The following GRM8 variants were observed in gnomAD, a reference collection of about 807,000 sequenced individuals.
GRM8 encodes the protein glutamate metabotropic receptor 8.
In GRM8, 47 loss-of-function variants were observed where a neutral mutation model predicts 87.2. That is an observed-to-expected ratio of 0.54 (90% CI 0.43 to 0.69). The LOEUF (loss-of-function observed/expected upper bound fraction) is 0.69, where lower values mean the gene tolerates loss of function less well. GRM8 is among the 30% of genes least tolerant of loss of function. The pLI, the probability that GRM8 is intolerant of heterozygous loss-of-function variation, is 0.00. For missense variants in GRM8, 1,019 were observed against 1,139.2 expected (o/e 0.89, Z 1.52); for synonymous variants, 396 against 404.5 (o/e 0.98, Z 0.25).
At chr7:127,189,070 T>C (rs1308425197) in intron 2 of GRM8, among the ~76,000 whole-genome samples, 7 of 152,240 alleles carry the variant, frequency 4.6e-5, no homozygotes, top group Admixed American at 1.3e-4. Flanking sequence ...TGGATTGTAG[T>C]CAAACATCTA....
intron 6 of GRM8, among the ~76,000 whole-genome samples, chr7:126,855,723 C>T (rs1308676105): frequency 1.3e-5 from 2 of 152,082 alleles, no homozygotes; most frequent in African/African-American, 4.8e-5. Flanking sequence ...TGATAAACCG[C>T]CTTGGTCTCC....
intron 8 of GRM8, among the ~76,000 whole-genome samples, chr7:126,555,595 T>G (rs1793054289): frequency 6.6e-6 from 1 of 152,232 alleles, no homozygotes; most frequent in South Asian, 2.1e-4. Flanking sequence ...ATAATTGTTC[T>G]TATATCAAAT....
At chr7:126,955,916 A>G (rs1299115589) in intron 3 of GRM8, among the ~76,000 whole-genome samples, 1 of 152,132 alleles carries the variant, frequency 6.6e-6, no homozygotes, top group Non-Finnish European at 1.5e-5. Context: ...TGATTATAGG[A>G]CTTCTTTTCT....
intron 1 of GRM8, among the ~76,000 whole-genome samples, chr7:127,251,631 C>A (rs1798873499): frequency 6.6e-6 from 1 of 151,628 alleles, no homozygotes; most frequent in African/African-American, 2.4e-5. Flanking sequence ...GCCTTTCCCG[C>A]GCCCCGGGGC....
intron 3 of GRM8, among the ~76,000 whole-genome samples, chr7:127,090,707 C>A (rs570743796): frequency 7.1e-6 from 1 of 140,410 alleles, no homozygotes; most frequent in East Asian, 2.0e-4. Context: ...CATGTGCCCT[C>A]CGGTTGCGGC....
intron 9 of GRM8, among the ~76,000 whole-genome samples, chr7:126,473,406 G>T (rs755304868): frequency 6.9e-5 from 10 of 144,122 alleles, no homozygotes; most frequent in African/African-American, 1.5e-4. Flanking sequence ...ACTTGCATGG[G>T]GCCTCTAGCC....
intron 10 of GRM8, 62 bp from the exon 11 acceptor site, chr7:126,439,230 G>T: frequency 2.1e-6 from 2 of 948,874 alleles, no homozygotes; most frequent in South Asian, 2.7e-5. Context: ...TTGTTAATAT[G>T]ATTTTAAAAT....
chr7:126,715,287 C>T (rs920967418), intron 7 of GRM8, among the ~76,000 whole-genome samples: 1 of 152,168 alleles, frequency 6.6e-6, no homozygotes, highest in Non-Finnish European at 1.5e-5. Context: ...ATACTCACAA[C>T]ACTTGAGCTC....
At chr7:127,034,435 T>C (rs1422189026) in intron 3 of GRM8, among the ~76,000 whole-genome samples, 1 of 152,164 alleles carries the variant, frequency 6.6e-6, no homozygotes, top group African/African-American at 2.4e-5. Context: ...GTACTACAGG[T>C]ACACTGCCCC....
chr7:127,029,465 T>C lies in GRM8; in HGVS notation c.727+77031A>G, dbSNP rs527903756. Among the ~76,000 whole-genome samples the C allele has an allele frequency of 2.0e-5, 3 of 152,282 alleles. No homozygotes were observed. The East Asian group carries it at 5.8e-4, about 29-fold the overall frequency. On this transcript the variant is annotated intron_variant, in intron 3 of 10. Transcript: ENST00000339582. ...GTCTCCCATTATTATTGTGTGGGAG[T>C]CTAAGTCTCTTTGTAGGTCTCTAAG...
chr7:126,760,774 T>C (rs992512330), intron 7 of GRM8, among the ~76,000 whole-genome samples: 3 of 152,330 alleles, frequency 2.0e-5, no homozygotes, highest in South Asian at 4.1e-4. Flanking sequence ...TAATCAATCA[T>C]ATTTGACTTT....
In GRM8 at chr7:126,758,318, C is replaced by T. The variant is rs150806523; in HGVS notation, c.1357+11547G>A. Reference sequence around the variant, plus strand: ...TAAATGCTCACAATAAAGCTATGAGCTAGGTATTATTATTTTTTCCATCCA... The same window carrying T: ...TAAATGCTCACAATAAAGCTATGAGTTAGGTATTATTATTTTTTCCATCCA... On this transcript the variant is annotated intron_variant, in intron 7 of 10. Transcript: ENST00000339582. 1.1e-3 allele frequency among the ~76,000 whole-genome samples: 171 copies of T among 152,210 alleles called. 2 individuals are homozygous for T. The South Asian group carries it at 0.019, about 17-fold the overall frequency.
chr7:126,744,894 CTT>C (rs1188751619), intron 7 of GRM8, among the ~76,000 whole-genome samples: 1 of 151,884 alleles, frequency 6.6e-6, no homozygotes, highest in Non-Finnish European at 1.5e-5. Flanking sequence ...CAATATCACT[CTT>C]CTCACAATTT....
intron 6 of GRM8, among the ~76,000 whole-genome samples, chr7:126,876,725 G>A (rs866764405): frequency 5.3e-5 from 8 of 152,096 alleles, no homozygotes; most frequent in Admixed American, 1.3e-4. Context: ...TTCAGCTAGC[G>A]TTTTCAATGT....
At chr7:127,003,350 G>A (rs1252718317) in intron 3 of GRM8, among the ~76,000 whole-genome samples, 2 of 151,724 alleles carry the variant, frequency 1.3e-5, no homozygotes, top group African/African-American at 4.8e-5. Context: ...AGAGAATGGT[G>A]ACAAGGACTG....
intron 7 of GRM8, chr7:126,701,915 CT>C: frequency 2.2e-6 from 1 of 453,810 alleles, no homozygotes; most frequent in Admixed American, 2.6e-5. Flanking sequence ...CATGTCATGC[CT>C]TCTGTCTTAG....
At chr7:126,921,311 C>T (rs1012945832) in intron 3 of GRM8, among the ~76,000 whole-genome samples, 2 of 152,032 alleles carry the variant, frequency 1.3e-5, no homozygotes, top group Admixed American at 1.3e-4. Context: ...GTAGAGAAAA[C>T]ATTTCAGAAA....
chr7:126,634,853 G>C (rs1287924528), intron 7 of GRM8, among the ~76,000 whole-genome samples: 1 of 152,158 alleles, frequency 6.6e-6, no homozygotes, highest in Non-Finnish European at 1.5e-5. Context: ...AAGCAGTGAT[G>C]TTAATGTTTA....
chr7:127,014,836 C>T (rs1815241874), intron 3 of GRM8, among the ~76,000 whole-genome samples: 2 of 151,310 alleles, frequency 1.3e-5, no homozygotes, highest in South Asian at 4.2e-4. Context: ...TAAGTGTGGC[C>T]TTCCTGTGAA....
Sources: gnomAD v4.1 joint callset for allele counts (sites outside exome capture counted in the v4.1 genomes callset) on GRCh38, gnomAD v4.1.1 for gene constraint, MANE v1.5 for transcripts, NCBI Gene and HGNC (gene_info 2026-07-23, HGNC 2026-07-21) for gene names.